ABHD2: variants seen among roughly 807,000 people sequenced by gnomAD.
ABHD2 encodes monoacylglycerol lipase ABHD2.
ABHD2 carries 20 observed loss-of-function variants against 48.1 expected under a neutral mutation model. That is an observed-to-expected ratio of 0.42 (90% CI 0.29 to 0.60). The LOEUF (loss-of-function observed/expected upper bound fraction) is 0.60, where lower values mean the gene tolerates loss of function less well. Among genes scored for constraint, ABHD2 ranks in the 20% least tolerant of loss-of-function variants. The pLI is 0.24. For missense variants in ABHD2, 405 were observed against 550.9 expected (o/e 0.74, Z 2.65); for synonymous variants, 209 against 214.2 (o/e 0.98, Z 0.21).
chr15:89,139,701 G>A (rs1220578716), intron 3 of ABHD2, among the ~76,000 whole-genome samples: 3 of 152,032 alleles, frequency 2.0e-5, no homozygotes, highest in East Asian at 1.9e-4. Flanking sequence ...TCAGAGTAAA[G>A]GTCACCTTTT....
Position 89,091,470 on chromosome 15 carries a change from C to G in ABHD2, c.-107+2907C>G, listed in dbSNP as rs1220638696. Among the ~76,000 whole-genome samples, 1 of 152,128 alleles carries G rather than the reference C, an allele frequency of 6.6e-6. No individual in the cohort carries two copies. Among genetic ancestry groups the G allele is most frequent in the Non-Finnish European group, 1.5e-5 (1 of 68,034 alleles). On this transcript the variant is annotated intron_variant, in intron 1 of 10. Coordinates refer to ENST00000352732, the MANE Select transcript of ABHD2 (RefSeq NM_152924.5). The surrounding 1 kb of genome is among the most constrained non-coding windows in gnomAD (Gnocchi z 5.5). ...CTTTCTCTCTTTCTCACTCTCTTTTCTCAGTATTTTGGTGGATGAGCTTCT... is the reference window on the plus strand; with the variant it reads ...CTTTCTCTCTTTCTCACTCTCTTTTGTCAGTATTTTGGTGGATGAGCTTCT...
intron 4 of ABHD2, among the ~76,000 whole-genome samples, chr15:89,152,504 T>C (rs1467464793): frequency 2.6e-5 from 4 of 152,210 alleles, no homozygotes; most frequent in Non-Finnish European, 5.9e-5. Flanking sequence ...GGCCAGACCA[T>C]TCTCAGTGCT....
the ABHD2 span, among the ~76,000 whole-genome samples, chr15:89,054,431 G>A: frequency 6.1e-3 from 919 of 151,406 alleles, 7 homozygotes; most frequent in Non-Finnish European, 9.1e-3. Flanking sequence ...CTGTAATCCC[G>A]GCACTTTGGG....
At chr15:89,075,662 G>A in the ABHD2 span, among the ~76,000 whole-genome samples, 3 of 152,170 alleles carry the variant, frequency 2.0e-5, no homozygotes, top group African/African-American at 7.2e-5. The surrounding 1 kb of genome is among the most constrained non-coding windows in gnomAD (Gnocchi z 4.1). Flanking sequence ...GTCTTCACAA[G>A]GGAATCAGTT....
chr15:89,141,977 C>G (rs1371852010), intron 3 of ABHD2, among the ~76,000 whole-genome samples: 1 of 152,232 alleles, frequency 6.6e-6, no homozygotes, highest in Non-Finnish European at 1.5e-5. Context: ...CACATTGGTT[C>G]TAGATAACTA....
Position 89,195,149 on chromosome 15 carries a change from T to C in ABHD2, c.1082-78T>C. On this transcript the variant is annotated intron_variant, in intron 10 of 10. Coordinates refer to ENST00000352732, the MANE Select transcript of ABHD2 (RefSeq NM_152924.5). This position sits in a 1 kb window ranked among gnomAD's most constrained non-coding sequence, Gnocchi z 5.1. ...CCCTGCGGGGACAGCCAGGCTACCC[T>C]AGCCAGCTCACCTCTGCACCTCCTG... 6.6e-7 allele frequency: 1 copy of C among 1,525,114 alleles called. No individual in the cohort carries two copies. 94.5% of individuals were successfully genotyped at this position (1,525,114 alleles called of 1,614,324 possible).
At chr15:89,127,550 A>G (rs1265297318) in intron 3 of ABHD2, among the ~76,000 whole-genome samples, 1 of 152,004 alleles carries the variant, frequency 6.6e-6, no homozygotes, top group Non-Finnish European at 1.5e-5. Flanking sequence ...CAGCCAGATC[A>G]CAAAAGCTTG....
Position 89,188,627 on chromosome 15 carries a change from G to A in ABHD2, c.926+324G>A, listed in dbSNP as rs2051253289. Among the ~76,000 whole-genome samples the A allele has an allele frequency of 6.6e-6, 1 of 152,190 alleles. No homozygotes were observed. The highest frequency in any genetic ancestry group is 2.4e-5 in the African/African-American group (1 of 41,448). On this transcript the variant is annotated intron_variant, in intron 8 of 10. Coordinates refer to ENST00000352732, the MANE Select transcript of ABHD2 (RefSeq NM_152924.5). This position sits in a 1 kb window ranked among gnomAD's most constrained non-coding sequence, Gnocchi z 4.1. ...CCTACCTGTCCTGCCTCAACACCAG[G>A]GCAAGTGTCAGGTGCCACATAAATC...
chr15:89,044,406 T>G, the ABHD2 span, among the ~76,000 whole-genome samples: 1 of 152,156 alleles, frequency 6.6e-6, no homozygotes, highest in Non-Finnish European at 1.5e-5. Context: ...TATAGTCCTT[T>G]GGGTATATAC....
chr15:89,108,077 G>A (rs565230431), intron 1 of ABHD2, among the ~76,000 whole-genome samples: 5 of 152,306 alleles, frequency 3.3e-5, no homozygotes, highest in Admixed American at 6.5e-5. Flanking sequence ...TGATGGGAGC[G>A]TGTCTGAGTA....
chr15:89,111,499 C>T (rs1010577112), intron 1 of ABHD2, among the ~76,000 whole-genome samples: 2 of 152,302 alleles, frequency 1.3e-5, no homozygotes, highest in African/African-American at 4.8e-5. Flanking sequence ...CTCTGCCCTG[C>T]TGTCATCTTA....
chr15:89,146,298 T>C lies in ABHD2; in HGVS notation c.195-5379T>C, dbSNP rs1183407626. ...TCAGTCAACTTTATTTTTTCAACTC[T>C]CTTTTTAAAACACCAGCTGTCCGTG... On this transcript the variant is annotated intron_variant, in intron 3 of 10. Coordinates refer to ENST00000352732, the MANE Select transcript of ABHD2 (RefSeq NM_152924.5). The surrounding 1 kb of genome is among the most constrained non-coding windows in gnomAD (Gnocchi z 4.2). Among the ~76,000 whole-genome samples, 2 of 151,872 alleles carry C rather than the reference T, an allele frequency of 1.3e-5. No homozygotes were observed. The highest frequency in any genetic ancestry group is 2.9e-5 in the Non-Finnish European group (2 of 68,000).
At chr15:89,072,750 C>T in the ABHD2 span, among the ~76,000 whole-genome samples, 1 of 152,142 alleles carries the variant, frequency 6.6e-6, no homozygotes, top group Non-Finnish European at 1.5e-5. Context: ...TTATTGATGT[C>T]TGACAAGTTC....
At chr15:89,161,038 C>T (rs2050754362) in intron 5 of ABHD2, among the ~76,000 whole-genome samples, 1 of 152,146 alleles carries the variant, frequency 6.6e-6, no homozygotes, top group African/African-American at 2.4e-5. Context: ...TTATTTCTAC[C>T]TAAAAGAACT....
intron 9 of ABHD2, among the ~76,000 whole-genome samples, chr15:89,192,356 A>G (rs1004937508): frequency 7.9e-5 from 12 of 152,342 alleles, no homozygotes; most frequent in Admixed American, 2.6e-4. Context: ...GTTCAGTGAC[A>G]TCTGAGTCTC....
chr15:89,165,692 T>C (rs1032189749), intron 5 of ABHD2, among the ~76,000 whole-genome samples: 1 of 152,200 alleles, frequency 6.6e-6, no homozygotes, highest in Non-Finnish European at 1.5e-5. Context: ...TCAAGGAAGA[T>C]GAAGAAGTCA....
At chr15:89,081,914 A>G in the ABHD2 span, among the ~76,000 whole-genome samples, 1 of 152,260 alleles carries the variant, frequency 6.6e-6, no homozygotes, top group African/African-American at 2.4e-5. Context: ...TGTAATTAGA[A>G]TAACTATAAT....
the ABHD2 span, among the ~76,000 whole-genome samples, chr15:89,051,053 C>T: frequency 6.6e-6 from 1 of 152,014 alleles, no homozygotes; most frequent in Non-Finnish European, 1.5e-5. Flanking sequence ...GCCAGCATGG[C>T]GAAACCCCAT....
chr15:89,145,178 C>T (rs2050470504), intron 3 of ABHD2, among the ~76,000 whole-genome samples: 2 of 152,160 alleles, frequency 1.3e-5, no homozygotes, highest in Non-Finnish European at 2.9e-5. Flanking sequence ...ATCACTTGAA[C>T]CCAGGAGGTG....
Sources: gnomAD v4.1 joint callset for allele counts (sites outside exome capture counted in the v4.1 genomes callset) on GRCh38, gnomAD v4.1.1 for gene constraint, Gnocchi (gnomAD v3.1) non-coding constraint, MANE v1.5 for transcripts, NCBI Gene and HGNC (gene_info 2026-07-23, HGNC 2026-07-21) for gene names.